Variants in MEGF11 observed in about 807,000 individuals in gnomAD.
The protein encoded by MEGF11 is multiple EGF like domains 11.
MEGF11 carries 126 observed loss-of-function variants against 146.6 expected under a neutral mutation model. The ratio of observed to expected loss-of-function variants is 0.86; its 90% CI spans 0.74 to 1.00. The LOEUF is 1.00. Among genes scored for constraint, MEGF11 ranks in the 50% least tolerant of loss-of-function variants. The pLI is 0.00. For missense variants in MEGF11, 1,509 were observed against 1,521.2 expected, an observed-to-expected ratio of 0.99 and a Z score of 0.13; for synonymous variants, 532 against 583.4, an observed-to-expected ratio of 0.91 and a Z score of 1.27.
chr15:65,981,805 C>T (rs1190976804), intron 6 of MEGF11, among the ~76,000 whole-genome samples: 1 of 152,164 alleles, frequency 6.6e-6, no homozygotes. Flanking sequence ...CTAGGACCCT[C>T]ACCTCTCTCT....
At chr15:66,040,871 C>T (rs1222039819) in intron 5 of MEGF11, among the ~76,000 whole-genome samples, 1 of 151,250 alleles carries the variant, frequency 6.6e-6, no homozygotes, top group Non-Finnish European at 1.5e-5. Flanking sequence ...ATCTAGTCCT[C>T]AACTGCCCTA....
chr15:66,206,807 G>A (rs989601059), intron 1 of MEGF11, among the ~76,000 whole-genome samples: 5 of 152,174 alleles, frequency 3.3e-5, no homozygotes, highest in South Asian at 2.1e-4. Flanking sequence ...GGAGGCTGAG[G>A]CAGGAGAATC....
chr15:66,194,535 G>A (rs577137199), intron 1 of MEGF11, among the ~76,000 whole-genome samples: 103 of 152,234 alleles, frequency 6.8e-4, no homozygotes, highest in African/African-American at 2.4e-3. Flanking sequence ...TTGAACCCAG[G>A]AGGCAGAGGC....
At chr15:65,916,499 T>A (rs1419069332) in intron 17 of MEGF11, 1 of 672,646 alleles carries the variant, frequency 1.5e-6, no homozygotes, top group East Asian at 2.8e-5. Flanking sequence ...GAACCACAGG[T>A]CAGGCTAGGG....
intron 5 of MEGF11, among the ~76,000 whole-genome samples, chr15:66,066,432 A>C (rs1247617134): frequency 6.6e-6 from 1 of 152,212 alleles, no homozygotes; most frequent in East Asian, 1.9e-4. Context: ...TAGGAATTTA[A>C]AATTTTTATG....
intron 1 of MEGF11, among the ~76,000 whole-genome samples, chr15:66,181,064 C>A (rs1264717204): frequency 6.6e-6 from 1 of 152,250 alleles, no homozygotes; most frequent in Non-Finnish European, 1.5e-5. Context: ...TAAGCATTTG[C>A]TCCTTTTCCA....
chr15:66,163,239 T>C (rs1229126614), intron 1 of MEGF11, among the ~76,000 whole-genome samples: 2 of 152,204 alleles, frequency 1.3e-5, no homozygotes, highest in African/African-American at 4.8e-5. Context: ...TGTTTTGTTC[T>C]ATAGAACTGA....
chr15:66,138,566 A>G (rs2089000152), intron 1 of MEGF11, among the ~76,000 whole-genome samples: 1 of 152,090 alleles, frequency 6.6e-6, no homozygotes, highest in Non-Finnish European at 1.5e-5. Flanking sequence ...CACGGCCGGC[A>G]CTTCACCTCC....
chr15:66,142,455 G>A (rs893905682), intron 1 of MEGF11, among the ~76,000 whole-genome samples: 3 of 152,232 alleles, frequency 2.0e-5, no homozygotes, highest in African/African-American at 7.2e-5. Flanking sequence ...GAAGGCAGAG[G>A]AGATATTTAT....
chr15:66,082,060 T>C (rs866146044), intron 5 of MEGF11, among the ~76,000 whole-genome samples: 1 of 152,166 alleles, frequency 6.6e-6, no homozygotes, highest in Non-Finnish European at 1.5e-5. Flanking sequence ...AGAAACACTT[T>C]TCCGTGGAAG....
chr15:65,915,630 CCACT>C (rs1297467794), intron 18 of MEGF11, 32 bp from the exon 19 acceptor site: 2 of 1,606,942 alleles, frequency 1.2e-6, no homozygotes, highest in Non-Finnish European at 1.7e-6. Context: ...GGTAGAGGAC[CCACT>C]CACTCTCCAC....
chr15:65,930,738 C>T (rs1009071907), intron 11 of MEGF11, 85 bp downstream of exon 11: 2 of 1,456,640 alleles, frequency 1.4e-6, no homozygotes, highest in Middle Eastern at 1.8e-4. Context: ...TTGGGGCAGC[C>T]CCACCTGAGA....
intron 1 of MEGF11, among the ~76,000 whole-genome samples, chr15:66,149,534 C>G (rs939127481): frequency 2.0e-5 from 3 of 152,118 alleles, no homozygotes; most frequent in African/African-American, 7.2e-5. Flanking sequence ...GTCACACCCC[C>G]CTCCACCTCC....
rs74584557 is a variant in MEGF11, at chr15:66,105,323, A to C, written c.302-10829T>G. 6.1e-3 allele frequency among the ~76,000 whole-genome samples: 930 copies of C among 152,274 alleles called. 6 individuals carry two copies. Among genetic ancestry groups the C allele is most frequent in the Non-Finnish European group, 0.011 (761 of 68,018 alleles). ...AGAGAGAGACAGAAAAGGGAGAAGG[A>C]GGCCCTGCCTGGCCTCCCTTCTGCA... On this transcript the variant is annotated intron_variant, in intron 4 of 25. Coordinates refer to ENST00000395614, the MANE Select transcript of MEGF11 (RefSeq NM_001385028.1).
chr15:65,909,593 C>A (rs2078732033), intron 22 of MEGF11, 147 bp downstream of exon 22: 2 of 696,740 alleles, frequency 2.9e-6, no homozygotes, highest in Non-Finnish European at 2.4e-6. Flanking sequence ...TCTTGGGCTT[C>A]ATCTGCTTGT....
chr15:66,016,192 G>T (rs774863315), intron 5 of MEGF11, among the ~76,000 whole-genome samples: 1 of 151,986 alleles, frequency 6.6e-6, no homozygotes, highest in East Asian at 1.9e-4. Context: ...TCATGCTCCC[G>T]CTTCCCTCCT....
intron 1 of MEGF11, among the ~76,000 whole-genome samples, chr15:66,212,020 G>GCTCCTGC: frequency 0.016 from 1 of 64 alleles, no homozygotes; most frequent in Non-Finnish European, 0.05. Flanking sequence ...AGAGCAAGGG[G>GCTCCTGC]GACTGTGAGG....
intron 5 of MEGF11, among the ~76,000 whole-genome samples, chr15:65,984,045 A>G (rs970856509): frequency 1.3e-5 from 2 of 152,144 alleles, no homozygotes; most frequent in South Asian, 4.1e-4. Flanking sequence ...AGAATCACCA[A>G]GGCCTGGAAC....
intron 3 of MEGF11, among the ~76,000 whole-genome samples, chr15:66,122,345 G>A (rs192121592): frequency 7.9e-5 from 12 of 151,922 alleles, no homozygotes; most frequent in African/African-American, 2.7e-4. Context: ...GGAATTAGCA[G>A]GCAAGGATTT....
Sources: gnomAD v4.1 joint callset for allele counts (sites outside exome capture counted in the v4.1 genomes callset) on GRCh38, gnomAD v4.1.1 for gene constraint, MANE v1.5 for transcripts, NCBI Gene and HGNC (gene_info 2026-07-23, HGNC 2026-07-21) for gene names.